FAM186B: variants seen among roughly 807,000 people sequenced by gnomAD.
FAM186B encodes protein FAM186B.
In FAM186B, 68 loss-of-function variants were observed where a neutral mutation model predicts 83.4. The observed-to-expected ratio is 0.81, with a 90% CI of 0.67 to 1.00. The LOEUF (loss-of-function observed/expected upper bound fraction) is 1.00. Among genes scored for constraint, FAM186B ranks in the 50% least tolerant of loss-of-function variants. The pLI, the probability that FAM186B is intolerant of heterozygous loss-of-function variation, is 0.00. For synonymous variants in FAM186B, 389 were observed against 422.0 expected (o/e 0.92, Z 0.96); for missense variants, 983 against 1,099.2 (o/e 0.89, Z 1.49).
chr12:49,592,554 C>T (rs935360799), intron 5 of FAM186B, among the ~76,000 whole-genome samples: 2 of 151,906 alleles, frequency 1.3e-5, no homozygotes, highest in South Asian at 2.1e-4. Context: ...GAGGCTGAGG[C>T]GGGTGGATCA....
chr12:49,598,888 T>C lies in FAM186B; in HGVS notation c.2231A>G (p.Gln744Arg). Residue 744 changes from glutamine (Q) to arginine (R), a missense_variant, in exon 5 of 7, where the codon CAG becomes CGG. Transcript: ENST00000257894. Reference sequence around the variant, plus strand: ...GTTTTCCAGGAAGATGTAGAGGTTCTGGGCCTTGTAGGAAGCCTCCGTTTC... The same window carrying C: ...GTTTTCCAGGAAGATGTAGAGGTTCCGGGCCTTGTAGGAAGCCTCCGTTTC... Reference protein sequence around the residue: ...MKETEASYKAQNLYIFLENID... With the variant: ...MKETEASYKARNLYIFLENID... 6.2e-7 allele frequency: 1 copy of C among 1,613,736 alleles called. No homozygotes were observed. The highest frequency in any genetic ancestry group is 8.5e-7 in the Non-Finnish European group (1 of 1,179,948).
Position 49,600,859 on chromosome 12 carries a change from A to C in FAM186B, c.781T>G (p.Tyr261Asp). 6.2e-7 allele frequency: 1 copy of C among 1,613,418 alleles called. No individual in the cohort carries two copies. The highest frequency in any genetic ancestry group is 8.5e-7 in the Non-Finnish European group (1 of 1,179,794). ...GTCGCCTGCATTTGCAGGTGCCTGT[A>C]TTTGGTCTCCAGGCTCCTGTTCTCC... ...HKENRSLETK[Y>D]RHLQMQATKE... is the part of the protein sequence containing the mutation. Residue 261 changes from tyrosine to aspartate, a missense_variant, in exon 4 of 7, where the codon TAC becomes GAC. Physicochemically the swap from Tyr to Asp is radical, Grantham distance 160. Coordinates refer to ENST00000257894, the MANE Select transcript of FAM186B (RefSeq NM_032130.3). The surrounding 1 kb of genome is among the most constrained non-coding windows in gnomAD (Gnocchi z 4.3).
upstream of FAM186B, among the ~76,000 whole-genome samples, chr12:49,607,044 C>A (rs1940038127): frequency 6.6e-6 from 1 of 151,940 alleles, no homozygotes; most frequent in Admixed American, 6.6e-5. Flanking sequence ...AAAAAGAAAT[C>A]ACAGGGAAAG....
chr12:49,619,665 CTCTTTT>C, the FAM186B span: 4 of 222,132 alleles, frequency 1.8e-5, no homozygotes, highest in Non-Finnish European at 2.6e-5. Flanking sequence ...AGTTAGACAT[CTCTTTT>C]TTTTTTTTTT....
Position 49,600,646 on chromosome 12 carries a change from C to T in FAM186B, c.994G>A (p.Ala332Thr). 6.2e-7 allele frequency: 1 copy of T among 1,613,808 alleles called. No homozygotes were observed. Among genetic ancestry groups the T allele is most frequent in the South Asian group, 1.1e-5 (1 of 91,032 alleles). Residue 332 changes from alanine (A) to threonine (T), a missense_variant, in exon 4 of 7, where the codon GCT becomes ACT. Transcript: ENST00000257894. This position sits in a 1 kb window ranked among gnomAD's most constrained non-coding sequence, Gnocchi z 4.3. ...CCTGGGGAGTCAACAGAAACCTCAGCCAGGTCTTCTGCCTGACCTGTAGCA... is the reference window on the plus strand; with the variant it reads ...CCTGGGGAGTCAACAGAAACCTCAGTCAGGTCTTCTGCCTGACCTGTAGCA... ...QNATGQAEDLAEVSVDSPGPS... is the reference protein window; with the variant it reads ...QNATGQAEDLTEVSVDSPGPS...
At chr12:49,619,684 T>A in the FAM186B span, 1 of 463,356 alleles carries the variant, frequency 2.2e-6, no homozygotes, top group Non-Finnish European at 4.0e-6. Flanking sequence ...TTTTTTTTTT[T>A]TTTTTTTTTG....
At chr12:49,589,642 T>TG (rs2138245609) in intron 5 of FAM186B, among the ~76,000 whole-genome samples, 1 of 150,488 alleles carries the variant, frequency 6.6e-6, no homozygotes, top group African/African-American at 2.4e-5. Flanking sequence ...AAAACATCAG[T>TG]GAAAAAAAAA....
chr12:49,603,139 AC>A (rs1939931428), intron 3 of FAM186B, 45 bp downstream of exon 3: 1 of 1,606,342 alleles, frequency 6.2e-7, no homozygotes, highest in African/African-American at 1.3e-5. Context: ...CCATGGCTCC[AC>A]CCCGTCCCCA....
chr12:49,598,731 G>A (rs766756426), intron 5 of FAM186B, 24 bp downstream of exon 5: 3 of 1,538,994 alleles, frequency 1.9e-6, no homozygotes, highest in South Asian at 2.5e-5. Flanking sequence ...CGGAGTGGCG[G>A]GGGGGTCAGG....
the FAM186B span, among the ~76,000 whole-genome samples, chr12:49,615,083 C>T: frequency 1.3e-5 from 2 of 151,788 alleles, no homozygotes; most frequent in African/African-American, 4.8e-5. Context: ...GAGCCAAGTT[C>T]GTGCCACCAC....
chr12:49,600,437 G>A lies in FAM186B; in HGVS notation c.1203C>T (p.Val401=), dbSNP rs761204535. The A allele has an allele frequency of 6.2e-6, 10 of 1,613,294 alleles. No individual in the cohort carries two copies. In the Admixed American group the frequency reaches 6.7e-5, roughly 11 times the overall value. ...PLSTMTVRSR[V]ADVFGSKDTE... ...TGTCCTTGCTGCCGAACACATCTGC[G>A]ACCCTCGAGCGCACAGTCATGGTGG... Residue 401 remains valine (V), a synonymous_variant, in exon 4 of 7, where the codon GTC becomes GTT. Coordinates refer to ENST00000257894, the MANE Select transcript of FAM186B (RefSeq NM_032130.3). This position sits in a 1 kb window ranked among gnomAD's most constrained non-coding sequence, Gnocchi z 4.3.
chr12:49,584,442 C>T (rs1318722796), downstream of FAM186B: 7 of 696,996 alleles, frequency 1.0e-5, no homozygotes, highest in Admixed American at 4.0e-5. Context: ...TGTGGGTTTC[C>T]GTCCCTCAGA....
chr12:49,597,275 C>G (rs1296500793), intron 5 of FAM186B, among the ~76,000 whole-genome samples: 2 of 152,164 alleles, frequency 1.3e-5, no homozygotes, highest in African/African-American at 2.4e-5. Context: ...GAATATTATT[C>G]AGCCTTAAAA....
chr12:49,616,422 A>C, the FAM186B span, among the ~76,000 whole-genome samples: 8 of 152,252 alleles, frequency 5.3e-5, no homozygotes, highest in African/African-American at 1.4e-4. Context: ...GTCCACACAT[A>C]AATCTATACA....
At chr12:49,598,047 G>A (rs1939768500) in intron 5 of FAM186B, among the ~76,000 whole-genome samples, 1 of 152,194 alleles carries the variant, frequency 6.6e-6, no homozygotes, top group African/African-American at 2.4e-5. Context: ...GCAAAAGAGC[G>A]AGACTCTGTC....
chr12:49,589,900 G>A (rs1939542257), intron 5 of FAM186B, among the ~76,000 whole-genome samples: 1 of 142,778 alleles, frequency 7.0e-6, no homozygotes, highest in Non-Finnish European at 1.5e-5. Flanking sequence ...AAAATTGCTT[G>A]AACGCAGGAG....
the FAM186B span, among the ~76,000 whole-genome samples, chr12:49,612,351 A>T: frequency 6.7e-6 from 1 of 150,092 alleles, no homozygotes; most frequent in Non-Finnish European, 1.5e-5. Context: ...GATAAAACAG[A>T]CTTTAATCCA....
Position 49,604,412 on chromosome 12 carries a change from T to G in FAM186B, c.223A>C (p.Lys75Gln). ...ATTTTTTCCAGCAAGATGAATCTCT[T>G]CTTGCCCTTTGGATCTCTCTGCTGA... ...KSQQRDPKGKKRFILLEKIAS... is the reference protein window; with the variant it reads ...KSQQRDPKGKQRFILLEKIAS... The change falls in exon 2 of 7, where the codon AAG becomes CAG. Residue 75 changes from lysine to glutamine, a missense_variant. By Grantham distance (53) the Lys-to-Gln change is moderately conservative. Coordinates refer to ENST00000257894, the MANE Select transcript of FAM186B (RefSeq NM_032130.3). 1 of 1,614,280 alleles carries G rather than the reference T, an allele frequency of 6.2e-7. No individual in the cohort carries two copies.
the FAM186B span, among the ~76,000 whole-genome samples, chr12:49,612,125 C>A: frequency 2.0e-5 from 3 of 152,100 alleles, no homozygotes; most frequent in South Asian, 6.2e-4. Flanking sequence ...GGATCAAAAT[C>A]TCACATATCA....
Sources: allele counts gnomAD v4.1 joint callset (sites outside exome capture counted in the v4.1 genomes callset), GRCh38; gene constraint gnomAD v4.1.1; non-coding constraint Gnocchi (gnomAD v3.1); transcripts MANE v1.5; gene names NCBI Gene and HGNC (gene_info 2026-07-23, HGNC 2026-07-21).